TLN2: variants seen among roughly 807,000 people sequenced by gnomAD.
The protein encoded by TLN2 is talin 2.
Under a neutral mutation model 294.7 loss-of-function variants are expected in TLN2, and 118 were observed. The observed-to-expected ratio is 0.40, with a 90% CI of 0.34 to 0.47. The LOEUF is 0.47. Ranked by LOEUF, TLN2 falls within the 20% of genes least tolerant of loss-of-function variation. TLN2 has a pLI of 0.84. For synonymous variants in TLN2, 1,431 were observed against 1,304.5 expected, an observed-to-expected ratio of 1.10 and a Z score of -2.09; for missense variants, 3,083 against 3,282.2, an observed-to-expected ratio of 0.94 and a Z score of 1.48.
intron 12 of TLN2, among the ~76,000 whole-genome samples, chr15:62,689,218 C>T (rs1456323474): frequency 6.6e-6 from 1 of 152,054 alleles, no homozygotes; most frequent in African/African-American, 2.4e-5. Flanking sequence ...AAATTAAACA[C>T]AGTCTACTGG....
At chr15:62,445,642 CAGTATT>C in intron 1 of TLN2, among the ~76,000 whole-genome samples, 1 of 151,840 alleles carries the variant, frequency 6.6e-6, no homozygotes, top group South Asian at 2.1e-4. Context: ...TTACAGATGT[CAGTATT>C]AGATTTTTTT....
At chr15:62,746,034 T>A (rs977225814) in intron 32 of TLN2, among the ~76,000 whole-genome samples, 1 of 152,198 alleles carries the variant, frequency 6.6e-6, no homozygotes, top group African/African-American at 2.4e-5. Context: ...AAATTTTACA[T>A]CTACAGAAAA....
chr15:62,423,458 C>T (rs187066520), intron 1 of TLN2, among the ~76,000 whole-genome samples: 2 of 152,260 alleles, frequency 1.3e-5, no homozygotes, highest in African/African-American at 2.4e-5. Context: ...AGCACCTATC[C>T]CTGTACCTGA....
Position 62,720,293 on chromosome 15 carries a change from G to A in TLN2, c.2991+413G>A, listed in dbSNP as rs571707264. On this transcript the variant is annotated intron_variant, in intron 25 of 58. Transcript: ENST00000636159. ...GTGCGTCTTCTCCAAAGATATGATC[G>A]TTCTTTGTGGCAATTGTACAGTTAG... is the stretch of plus-strand genomic sequence containing the variant. 3.7e-4 allele frequency among the ~76,000 whole-genome samples: 57 copies of A among 152,276 alleles called. No individual in the cohort carries two copies. In the South Asian group the frequency reaches 3.9e-3, roughly 11 times the overall value.
intron 1 of TLN2, among the ~76,000 whole-genome samples, chr15:62,426,191 C>G (rs999250814): frequency 1.2e-4 from 18 of 152,230 alleles, no homozygotes; most frequent in African/African-American, 3.9e-4. Context: ...CGCTGTCACT[C>G]CCTTGCTCCC....
intron 45 of TLN2, among the ~76,000 whole-genome samples, chr15:62,788,235 C>T (rs371609013): frequency 1.3e-5 from 2 of 151,764 alleles, no homozygotes; most frequent in East Asian, 2.0e-4. Flanking sequence ...CGCTTGAACC[C>T]GGGTGGCGGA....
intron 1 of TLN2, among the ~76,000 whole-genome samples, chr15:62,509,823 G>A (rs904856649): frequency 3.3e-5 from 5 of 152,254 alleles, no homozygotes; most frequent in South Asian, 2.1e-4. Context: ...CCCTCCCTCC[G>A]CTCTGCCTCC....
rs1459219769 is a variant in TLN2 at position 62,647,733 on chromosome 15, T to C, written c.136+287T>C. Among the ~76,000 whole-genome samples, 4 of 152,178 alleles carry C rather than the reference T, an allele frequency of 2.6e-5. No individual in the cohort carries two copies. In the South Asian group the frequency reaches 8.3e-4, roughly 32 times the overall value. On this transcript the variant is annotated intron_variant, in intron 4 of 58. Transcript: ENST00000636159. ...GATCACATTCTCATGTATCATCTCATTGTCCCAAGAAAGTGCAAATGAAGC... is the reference window on the plus strand; with the variant it reads ...GATCACATTCTCATGTATCATCTCACTGTCCCAAGAAAGTGCAAATGAAGC...
At chr15:62,465,426 G>A (rs1471753045) in intron 1 of TLN2, among the ~76,000 whole-genome samples, 2 of 152,170 alleles carry the variant, frequency 1.3e-5, no homozygotes, top group Non-Finnish European at 2.9e-5. Flanking sequence ...AGTGAAAACC[G>A]TAATCCTCTC....
intron 2 of TLN2, among the ~76,000 whole-genome samples, chr15:62,594,665 G>T (rs1382540484): frequency 1.3e-5 from 2 of 152,198 alleles, no homozygotes; most frequent in African/African-American, 4.8e-5. Flanking sequence ...CTGAAAATGG[G>T]TGAAAGACAT....
At position 62,656,078 on chromosome 15, in the gene TLN2, T is replaced by C; in HGVS notation, c.652T>C (p.Tyr218His). ...SRDPVQLNLL[Y>H]VQARDDILNG... ...AGACCCCGTGCAGCTGAACTTGCTT[T>C]ATGTTCAGGTACAGTATTTACTGCT... The change falls in exon 8 of 59, where the codon TAT becomes CAT. Residue 218 changes from tyrosine to histidine, a missense_variant. By Grantham distance (83) the Tyr-to-His change is moderately conservative. Coordinates refer to ENST00000636159, the MANE Select transcript of TLN2 (RefSeq NM_015059.3). The C allele has an allele frequency of 6.2e-7, 1 of 1,614,180 alleles. No homozygotes were observed.
chr15:62,561,152 G>C (rs1596132298), intron 1 of TLN2, among the ~76,000 whole-genome samples: 1 of 152,332 alleles, frequency 6.6e-6, no homozygotes, highest in Middle Eastern at 3.4e-3. Flanking sequence ...GTTATTTTGA[G>C]TGGCGGGAAT....
rs560394984 is a variant in TLN2 at position 62,702,190 on chromosome 15, C to T, written c.1895C>T (p.Thr632Ile). Residue 632 changes from threonine (T) to isoleucine (I), a missense_variant, in exon 18 of 59, where the codon ACT (threonine) becomes ATT (isoleucine). Physicochemically the swap from Thr to Ile is moderately conservative, Grantham distance 89 (BLOSUM62 -1). Coordinates refer to ENST00000636159, the MANE Select transcript of TLN2 (RefSeq NM_015059.3). ...GACTTGCTGAAAGCTGTGCAGCCTA[C>T]TTCTGGAGAGGTAAGCTCCAGAGGC... Reference protein sequence around the residue: ...VSDLLKAVQPTSGEPRQTVLT... With the variant: ...VSDLLKAVQPISGEPRQTVLT... 2.5e-6 allele frequency: 4 copies of T among 1,596,812 alleles called. No homozygotes were observed. The highest frequency in any genetic ancestry group is 2.0e-4 in the Middle Eastern group (1 of 4,934).
intron 11 of TLN2, chr15:62,684,146 G>C (rs1460447779): frequency 6.6e-6 from 1 of 152,184 alleles, no homozygotes; most frequent in Non-Finnish European, 1.5e-5. Context: ...GTTCACTGTG[G>C]CTTCCTCTCC....
intron 41 of TLN2, among the ~76,000 whole-genome samples, chr15:62,770,689 A>G (rs148262568): frequency 2.8e-4 from 43 of 152,298 alleles, no homozygotes; most frequent in African/African-American, 9.1e-4. Flanking sequence ...AGTTTGTAAA[A>G]TTGAATTCAA....
At chr15:62,485,041 G>T (rs571156258) in intron 1 of TLN2, among the ~76,000 whole-genome samples, 2 of 152,144 alleles carry the variant, frequency 1.3e-5, no homozygotes, top group Admixed American at 6.5e-5. Context: ...TCACTCAGCT[G>T]GGGATACCAT....
chr15:62,632,740 T>C (rs1236913827), intron 3 of TLN2, among the ~76,000 whole-genome samples: 1 of 152,184 alleles, frequency 6.6e-6, no homozygotes, highest in African/African-American at 2.4e-5. Context: ...AACCTTATCC[T>C]CTATATCCAC....
Position 62,797,303 on chromosome 15 carries a change from G to T in TLN2, c.6135G>T (p.Leu2045=). ...VSGAASTPDK[L]AQAAQSSAAT... ...GAGCTGCGTCCACTCCTGACAAGCT[G>T]GCCCAGGCGGCCCAGTCCTCAGCAG... Residue 2045 remains leucine, a synonymous_variant, in exon 48 of 59, where the codon CTG becomes CTT. Coordinates refer to ENST00000636159, the MANE Select transcript of TLN2 (RefSeq NM_015059.3). The T allele has an allele frequency of 6.2e-7, 1 of 1,613,730 alleles. No homozygotes were observed. Among genetic ancestry groups the T allele is most frequent in the Non-Finnish European group, 8.5e-7 (1 of 1,180,002 alleles).
At chr15:62,754,473 G>GT (rs1283497903) in intron 36 of TLN2, 4 of 152,274 alleles carry the variant, frequency 2.6e-5, no homozygotes, top group African/African-American at 9.7e-5. Context: ...GGAAGAGCCA[G>GT]TACATGTGAC....
Sources: gnomAD v4.1 joint callset for allele counts (sites outside exome capture counted in the v4.1 genomes callset) on GRCh38, gnomAD v4.1.1 for gene constraint, MANE v1.5 for transcripts, NCBI Gene and HGNC (gene_info 2026-07-23, HGNC 2026-07-21) for gene names.